The following XPO6 variants were observed in gnomAD, a reference collection of about 807,000 sequenced individuals.
The protein encoded by XPO6 is exportin-6.
A neutral mutation model predicts 130.0 loss-of-function variants in XPO6; 3 were observed. That is an observed-to-expected ratio of 0.02 (90% CI 0.01 to 0.06). The LOEUF (loss-of-function observed/expected upper bound fraction) is 0.06. Ranked by LOEUF, XPO6 falls within the 10% of genes least tolerant of loss-of-function variation. The pLI, the probability that XPO6 is intolerant of heterozygous loss-of-function variation, is 1.00. For synonymous variants in XPO6, 524 were observed against 548.9 expected, an observed-to-expected ratio of 0.95 and a Z score of 0.63; for missense variants, 970 against 1,393.0, an observed-to-expected ratio of 0.70 and a Z score of 4.83.
intron 1 of XPO6, among the ~76,000 whole-genome samples, chr16:28,206,910 C>A (rs748060657): frequency 2.6e-5 from 4 of 152,034 alleles, no homozygotes; most frequent in Non-Finnish European, 4.4e-5. Flanking sequence ...AATTTCAGTT[C>A]TGATTCTGCC....
intron 1 of XPO6, among the ~76,000 whole-genome samples, chr16:28,203,069 A>G (rs934530584): frequency 6.6e-6 from 1 of 152,222 alleles, no homozygotes; most frequent in Admixed American, 6.5e-5. Flanking sequence ...TGAGCCCAGC[A>G]GCTCAAGGCC....
At chr16:28,122,146 T>A (rs2087258931) in intron 13 of XPO6, among the ~76,000 whole-genome samples, 1 of 152,096 alleles carries the variant, frequency 6.6e-6, no homozygotes, top group African/African-American at 2.4e-5. Flanking sequence ...TGAATGTTCA[T>A]CTATTAACAG....
At chr16:28,100,678 A>C (rs2086637172) in intron 23 of XPO6, among the ~76,000 whole-genome samples, 1 of 152,224 alleles carries the variant, frequency 6.6e-6, no homozygotes, top group South Asian at 2.1e-4. Context: ...TAATTTCATC[A>C]AGTATAAAAC....
intron 21 of XPO6, among the ~76,000 whole-genome samples, chr16:28,103,128 C>T (rs1440840881): frequency 2.6e-5 from 4 of 152,184 alleles, no homozygotes; most frequent in Non-Finnish European, 5.9e-5. Context: ...CAGGACACTT[C>T]CATCACCTGG....
intron 6 of XPO6, among the ~76,000 whole-genome samples, chr16:28,159,995 G>A (rs559789841): frequency 4.0e-5 from 6 of 151,820 alleles, no homozygotes; most frequent in African/African-American, 1.4e-4. Context: ...AGACAAGCCC[G>A]GCCAACATGG....
At chr16:28,105,892 A>G (rs916664997) in intron 20 of XPO6, 151 bp downstream of exon 20, 2 of 1,154,336 alleles carry the variant, frequency 1.7e-6, no homozygotes, top group African/African-American at 3.1e-5. Flanking sequence ...GTACCACACC[A>G]CTAAAGGCCT....
chr16:28,168,107 T>C (rs1184743904), intron 5 of XPO6, among the ~76,000 whole-genome samples: 1 of 152,214 alleles, frequency 6.6e-6, no homozygotes, highest in African/African-American at 2.4e-5. Flanking sequence ...AAATATTTAA[T>C]ATACTGCTGG....
In XPO6 at chr16:28,152,884, T is replaced by C. The variant is rs549403138; in HGVS notation, c.1098-99A>G. 1.4e-4 allele frequency: 208 copies of C among 1,468,202 alleles called. 2 individuals are homozygous for C. In the South Asian group the frequency reaches 2.9e-3, roughly 20 times the overall value. The allele number at this position is 1,468,202 out of a possible 1,614,324, so 90.9% of individuals were successfully genotyped here. Reference sequence around the variant, plus strand: ...TCTTTCAGTACAGAACTATACAAATTTGTAATATATTTTCTTTTAAAAATA... The same window carrying C: ...TCTTTCAGTACAGAACTATACAAATCTGTAATATATTTTCTTTTAAAAATA... On this transcript the variant is annotated intron_variant, in intron 7 of 23. Coordinates refer to ENST00000304658, the MANE Select transcript of XPO6 (RefSeq NM_015171.4).
intron 7 of XPO6, chr16:28,153,001 C>T: frequency 1.7e-6 from 2 of 1,209,728 alleles, no homozygotes; most frequent in Non-Finnish European, 2.1e-6. Context: ...AATCCTCAGA[C>T]ACTGTCTGCT....
At position 28,101,522 on chromosome 16, in the gene XPO6, G is replaced by C; in HGVS notation, c.3212C>G (p.Thr1071Ser). 1.9e-6 allele frequency: 3 copies of C among 1,614,260 alleles called. No individual in the cohort carries two copies. Among genetic ancestry groups the C allele is most frequent in the Non-Finnish European group, 2.5e-6 (3 of 1,180,052 alleles). The change falls in exon 23 of 24, where the codon ACC becomes AGC. Residue 1071 changes from threonine to serine, a missense_variant. This residue lies in a region of XPO6 where 936 missense variants were observed against 1,306.8 expected (regional missense o/e 0.72). Transcript: ENST00000304658. The surrounding 1 kb of genome is among the most constrained non-coding windows in gnomAD (Gnocchi z 5.4). ...GTTGGCATCCACACCATCACAGCTG[G>C]TCAGGAACTCTGGGAGGAAGGCGGC... ...FFAAFLPEFLTSCDGVDANQK... is the reference protein window; with the variant it reads ...FFAAFLPEFLSSCDGVDANQK...
In XPO6 at chr16:28,211,877, C is replaced by G. The variant is rs1470219857; in HGVS notation, c.-509G>C. On this transcript the variant is annotated 5_prime_UTR_variant, in exon 1 of 24. Coordinates refer to ENST00000304658, the MANE Select transcript of XPO6 (RefSeq NM_015171.4). ...ACCCACACGGCCACTGCCGCCGCCC[C>G]CTAGAGCATCCTTGCGCGCGCCCGC... 6.0e-6 allele frequency: 1 copy of G among 165,992 alleles called. No individual in the cohort carries two copies. Among genetic ancestry groups the G allele is most frequent in the Non-Finnish European group, 1.3e-5 (1 of 77,646 alleles). 10.3% of individuals were successfully genotyped at this position (165,992 alleles called of 1,614,324 possible). A position where few individuals can be genotyped will look rare whatever the true frequency, so the allele number is the denominator to read the frequency against.
In XPO6 at chr16:28,160,504, C is replaced by CAA. The variant is rs56821334; in HGVS notation, c.644-3979_644-3978dup. ...GGATAACAAAGTGAGACTCCATCAC[C>CAA]AAAAAAAAAAAAAAAATCAAGTAAA... On this transcript the variant is annotated intron_variant, in intron 6 of 23. Transcript: ENST00000304658. Among the ~76,000 whole-genome samples, 153 of 113,196 alleles carry CAA rather than the reference C, an allele frequency of 1.4e-3. 3 individuals are homozygous for CAA. The highest frequency in any genetic ancestry group is 9.9e-3 in the Middle Eastern group (2 of 202). The allele number at this position is 113,196 out of a possible 152,430, so 74.3% of individuals were successfully genotyped here. A position where few individuals can be genotyped will look rare whatever the true frequency, so the allele number is the denominator to read the frequency against.
chr16:28,100,688 C>T (rs932800766), intron 23 of XPO6, among the ~76,000 whole-genome samples: 27 of 152,314 alleles, frequency 1.8e-4, no homozygotes, highest in Admixed American at 1.3e-4. Flanking sequence ...AAGTATAAAA[C>T]GGTACAAGGA....
chr16:28,104,791 C>T (rs1330169624), intron 20 of XPO6, 84 bp from the exon 21 acceptor site: 44 of 1,492,802 alleles, frequency 2.9e-5, no homozygotes, highest in Middle Eastern at 1.8e-4. Context: ...GCCTAGGAGA[C>T]GCCTCGTGAC....
intron 12 of XPO6, among the ~76,000 whole-genome samples, chr16:28,127,241 G>A (rs548256884): frequency 6.6e-6 from 1 of 152,038 alleles, no homozygotes; most frequent in Non-Finnish European, 1.5e-5. Flanking sequence ...TGCTGATCAT[G>A]TCATCCTCTG....
At chr16:28,194,370 T>C (rs895172507) in intron 1 of XPO6, among the ~76,000 whole-genome samples, 1 of 152,192 alleles carries the variant, frequency 6.6e-6, no homozygotes. Context: ...AATGTAAGAA[T>C]GAAAACGTGT....
At chr16:28,159,341 AATG>A (rs2141831983) in intron 6 of XPO6, among the ~76,000 whole-genome samples, 2 of 152,332 alleles carry the variant, frequency 1.3e-5, no homozygotes, top group South Asian at 2.1e-4. Flanking sequence ...CCAAGAAAAA[AATG>A]ATGAAGAGTG....
chr16:28,195,665 A>AT (rs1234814954), intron 1 of XPO6, among the ~76,000 whole-genome samples: 1 of 152,188 alleles, frequency 6.6e-6, no homozygotes, highest in Non-Finnish European at 1.5e-5. Context: ...AGGCAGAAGA[A>AT]TTGCTTGAAT....
At chr16:28,118,239 T>C (rs182021553) in intron 14 of XPO6, among the ~76,000 whole-genome samples, 58 of 152,326 alleles carry the variant, frequency 3.8e-4, no homozygotes, top group African/African-American at 9.6e-4. Flanking sequence ...CAGTATTACA[T>C]TGGTGGTTGT....
Sources: allele counts gnomAD v4.1 joint callset (sites outside exome capture counted in the v4.1 genomes callset), GRCh38; gene constraint gnomAD v4.1.1; regional missense constraint gnomAD v4.1.1; non-coding constraint Gnocchi (gnomAD v3.1); transcripts MANE v1.5; gene names NCBI Gene and HGNC (gene_info 2026-07-23, HGNC 2026-07-21).